Variants in WDR62 observed in about 807,000 individuals in gnomAD.
The protein encoded by WDR62 is WD repeat domain 62.
Under a neutral mutation model 160.6 loss-of-function variants are expected in WDR62, and 112 were observed. That is an observed-to-expected ratio of 0.70 (90% confidence interval 0.60 to 0.82). WDR62 has a LOEUF of 0.82. WDR62 is among the 40% of genes least tolerant of loss of function. The pLI, the probability that WDR62 is intolerant of heterozygous loss-of-function variation, is 0.00. For synonymous variants in WDR62, 792 were observed against 815.1 expected (o/e 0.97, Z 0.48); for missense variants, 1,819 against 1,983.8 (o/e 0.92, Z 1.58).
At chr19:36,065,005 G>A (rs1360049645) in intron 3 of WDR62, among the ~76,000 whole-genome samples, 2 of 152,178 alleles carry the variant, frequency 1.3e-5, no homozygotes, top group Non-Finnish European at 2.9e-5. Context: ...GTAGGAAGCA[G>A]GGCAAAGGGT....
At chr19:36,084,245 T>A (rs1972070690) in intron 11 of WDR62, among the ~76,000 whole-genome samples, 1 of 152,146 alleles carries the variant, frequency 6.6e-6, no homozygotes, top group Admixed American at 6.5e-5. Flanking sequence ...GATTTGAGAC[T>A]CTTTTAACAA....
At chr19:36,107,860 T>C (rs1308222689), downstream of WDR62, among the ~76,000 whole-genome samples, 3 of 151,976 alleles carry the variant, frequency 2.0e-5, no homozygotes, top group East Asian at 5.8e-4. Context: ...AAGCCACTGC[T>C]GGTGGTGCAG....
chr19:36,107,515 G>T (rs1973737461), downstream of WDR62, among the ~76,000 whole-genome samples: 3 of 151,970 alleles, frequency 2.0e-5, 1 homozygote, highest in South Asian at 4.2e-4. Flanking sequence ...GGGTGGCCTG[G>T]TCCAACCAGG....
At chr19:36,077,556 A>G (rs1971645990) in intron 9 of WDR62, among the ~76,000 whole-genome samples, 1 of 151,590 alleles carries the variant, frequency 6.6e-6, no homozygotes, top group Non-Finnish European at 1.5e-5. Context: ...GTGGGATTAC[A>G]GGCATGAGCC....
intron 9 of WDR62, 25 bp downstream of exon 9, chr19:36,073,556 C>A: frequency 1.5e-6 from 2 of 1,316,784 alleles, no homozygotes; most frequent in Non-Finnish European, 2.1e-6. Flanking sequence ...CACCCCCTTG[C>A]CCCTGCTTGG....
Position 36,103,024 on chromosome 19 carries a change from G to C in WDR62, c.3412G>C (p.Gly1138Arg). The change falls in exon 28 of 32, where the codon GGA becomes CGA. Residue 1138 changes from glycine (G) to arginine (R), a missense_variant. This residue lies in a region of WDR62 where 770 missense variants were observed against 734.2 expected (regional missense o/e 1.05). Transcript: ENST00000401500. The part of the protein sequence containing the change: ...SPEVKLMDRG[G>R]SQPRAGTGYA... ...AGAGGTCAAGCTCATGGACCGAGGC[G>C]GAAGCCAGCCCAGAGCAGGTACTGG... 1 of 1,614,148 alleles carries C rather than the reference G, an allele frequency of 6.2e-7. No individual in the cohort carries two copies. The highest frequency in any genetic ancestry group is 8.5e-7 in the Non-Finnish European group (1 of 1,180,030).
chr19:36,092,668 G>C, intron 18 of WDR62, 21 bp from the exon 19 acceptor site: 1 of 1,613,942 alleles, frequency 6.2e-7, no homozygotes, highest in Non-Finnish European at 8.5e-7. Context: ...TGCCTTGTGT[G>C]TCTCTCTTTG....
rs1266372083 is a variant in WDR62, at chr19:36,092,753, A to AT, written c.2277dup (p.Asp760Ter). On this transcript the variant is annotated frameshift_variant, in exon 19 of 32. Transcript: ENST00000401500. LOFTEE classifies it high-confidence loss of function. ...CTGCATGAAGCAGCACTTGCTGGAG[A>AT]TTGACCACCGGCAGCAGCAGCAGCA... 6.2e-7 allele frequency: 1 copy of AT among 1,613,968 alleles called. No individual in the cohort carries two copies. The highest frequency in any genetic ancestry group is 1.3e-5 in the African/African-American group (1 of 74,880).
Position 36,071,514 on chromosome 19 carries a change from C to T in WDR62, c.883-42C>T, listed in dbSNP as rs115865757. The T allele has an allele frequency of 1.8e-3, 2,919 of 1,613,922 alleles. 44 individuals carry two copies. The African/African-American group carries it at 0.034, about 19-fold the overall frequency. ...GTCCCCATATCCCCGGGCCAGGCCACGTGAAGCACCAAATCCACTGGGGTC... is the reference window on the plus strand; with the variant it reads ...GTCCCCATATCCCCGGGCCAGGCCATGTGAAGCACCAAATCCACTGGGGTC... On this transcript the variant is annotated intron_variant, in intron 7 of 31. Transcript: ENST00000401500.
downstream of WDR62, chr19:36,105,165 G>A: frequency 8.6e-7 from 1 of 1,165,614 alleles, no homozygotes; most frequent in Non-Finnish European, 1.2e-6. Context: ...TGGAAGTGGG[G>A]AGGGAGGGTA....
rs370325651 is a variant in WDR62, at chr19:36,084,794, C to T, written c.1642+50C>T. 651 of 1,550,846 alleles carry T rather than the reference C, an allele frequency of 4.2e-4. 1 individual carries two copies. The highest frequency in any genetic ancestry group is 5.6e-4 in the Non-Finnish European group (630 of 1,129,430). ...GGGGGTCAGGCAGGGAGGCAGCCCC[C>T]CTGGCAGGGCCACAGAAAGGGGTAG... On this transcript the variant is annotated intron_variant, in intron 12 of 31. Coordinates refer to ENST00000401500, the MANE Select transcript of WDR62 (RefSeq NM_001083961.2).
the WDR62 span, chr19:36,111,125 C>A: frequency 3.4e-5 from 44 of 1,280,692 alleles, no homozygotes; most frequent in South Asian, 5.1e-4. Flanking sequence ...TCCTTTCCCA[C>A]CAGGGATAGT....
intron 1 of WDR62, among the ~76,000 whole-genome samples, chr19:36,055,416 T>C (rs1315321103): frequency 6.6e-6 from 1 of 152,170 alleles, no homozygotes; most frequent in Non-Finnish European, 1.5e-5. Flanking sequence ...CTTCTGTAAA[T>C]CACAGCCTAG....
intron 24 of WDR62, 35 bp from the exon 25 acceptor site, chr19:36,101,629 G>C: frequency 1.3e-6 from 2 of 1,505,240 alleles, no homozygotes; most frequent in Non-Finnish European, 1.8e-6. Context: ...AGAATGGTCA[G>C]GCTGTGGGCT....
intron 30 of WDR62, 87 bp from the exon 31 acceptor site, chr19:36,104,431 G>A (rs1037404383): frequency 2.6e-6 from 4 of 1,540,524 alleles, no homozygotes; most frequent in Non-Finnish European, 3.5e-6. Context: ...CCAGACAGAA[G>A]TACAGCATGG....
rs557716675 is a variant in WDR62 at position 36,077,876 on chromosome 19, G to A, written c.1234-3557G>A. Among the ~76,000 whole-genome samples the A allele has an allele frequency of 1.9e-4, 29 of 151,620 alleles. No homozygotes were observed. The East Asian group carries it at 4.9e-3, about 25-fold the overall frequency. ...CTCCCAAAGTGCTAGGATTACAGGC[G>A]TGAGCCACCATGCCTGACCTGAATA... On this transcript the variant is annotated intron_variant, in intron 9 of 31. Coordinates refer to ENST00000401500, the MANE Select transcript of WDR62 (RefSeq NM_001083961.2).
At chr19:36,056,483 G>A (rs768759571) in intron 1 of WDR62, among the ~76,000 whole-genome samples, 2 of 152,158 alleles carry the variant, frequency 1.3e-5, no homozygotes, top group Non-Finnish European at 2.9e-5. Flanking sequence ...GCTTTTTGCT[G>A]CAATCTGCCT....
rs746842276 is a variant in WDR62, at chr19:36,066,335, G to A, written c.469G>A (p.Gly157Ser). Residue 157 changes from glycine to serine, a missense_variant, in exon 5 of 32, where the codon GGT (glycine) becomes AGT (serine). By Grantham distance (56) the Gly-to-Ser change is moderately conservative. Transcript: ENST00000401500. Reference sequence around the variant, plus strand: ...GGCGGAGATGCTAGGCCACAAGTATGGTGTGGCGTGTGTGGCCTTCTCACC... The same window carrying A: ...GGCGGAGATGCTAGGCCACAAGTATAGTGTGGCGTGTGTGGCCTTCTCACC... ...QVAEMLGHKY[G>S]VACVAFSPNM... is the part of the protein sequence containing the mutation. 3.1e-6 allele frequency: 5 copies of A among 1,614,048 alleles called. No homozygotes were observed. In the Admixed American group the frequency reaches 8.3e-5, roughly 27 times the overall value.
chr19:36,057,562 T>A (rs1190706438), intron 1 of WDR62, among the ~76,000 whole-genome samples: 1 of 151,750 alleles, frequency 6.6e-6, no homozygotes, highest in East Asian at 1.9e-4. Flanking sequence ...TCGCCCAGGA[T>A]GGAGTGCAAT....
Sources: allele counts gnomAD v4.1 joint callset (sites outside exome capture counted in the v4.1 genomes callset), GRCh38; gene constraint gnomAD v4.1.1; regional missense constraint gnomAD v4.1.1; transcripts MANE v1.5; gene names NCBI Gene and HGNC (gene_info 2026-07-23, HGNC 2026-07-21).